TRAPPC13: variants seen among roughly 807,000 people sequenced by gnomAD.
TRAPPC13 encodes the protein trafficking protein particle complex subunit 13, also known as REV7-interacting novel NHEJ regulator 1.
TRAPPC13 carries 39 observed loss-of-function variants against 54.0 expected under a neutral mutation model. The observed-to-expected ratio is 0.72, with a 90% CI of 0.56 to 0.94. TRAPPC13 has a LOEUF of 0.94. Ranked by LOEUF, TRAPPC13 falls within the 40% of genes least tolerant of loss-of-function variation. The probability of loss-of-function intolerance (pLI) is 0.00; values close to 1 mark genes in which losing one functional copy is unlikely to be tolerated. For synonymous variants in TRAPPC13, 148 were observed against 167.7 expected (o/e 0.88, Z 0.91); for missense variants, 386 against 488.1 (o/e 0.79, Z 1.97).
At position 65,629,970 on chromosome 5, in the gene TRAPPC13, A is replaced by G. The variant is rs7714222; in HGVS notation, c.46+4864A>G. On this transcript the variant is annotated intron_variant, in intron 1 of 12. Coordinates refer to ENST00000399438, the MANE Select transcript of TRAPPC13 (RefSeq NM_024941.4). Reference sequence around the variant, plus strand: ...CAATCAGAAAAGGGAAAACAGCACAAGAGGAGATCTTGGAGTATTTCCCTT... The same window carrying G: ...CAATCAGAAAAGGGAAAACAGCACAGGAGGAGATCTTGGAGTATTTCCCTT... 9,501 of 1,536,036 alleles carry G rather than the reference A, an allele frequency of 6.2e-3. 513 individuals carry two copies. In the African/African-American group the frequency reaches 0.12, roughly 19 times the overall value.
intron 1 of TRAPPC13, among the ~76,000 whole-genome samples, chr5:65,634,311 A>G (rs1755667334): frequency 6.6e-6 from 1 of 152,026 alleles, no homozygotes; most frequent in Non-Finnish European, 1.5e-5. Flanking sequence ...TTATATAAGT[A>G]TATCCTATCT....
intron 1 of TRAPPC13, 167 bp downstream of exon 1, chr5:65,625,273 G>T: frequency 1.6e-6 from 1 of 628,766 alleles, no homozygotes. Flanking sequence ...ATGCTTTTTA[G>T]GTTTATGGGC....
In TRAPPC13 at chr5:65,665,441, G is replaced by T. The variant is rs1269564983; in HGVS notation, c.*830G>T. The T allele has an allele frequency of 6.6e-6, 1 of 151,950 alleles. No individual in the cohort carries two copies. The highest frequency in any genetic ancestry group is 1.5e-5 in the Non-Finnish European group (1 of 67,994). 9.4% of individuals were successfully genotyped at this position (151,950 alleles called of 1,614,324 possible). On this transcript the variant is annotated 3_prime_UTR_variant, in exon 13 of 13. Coordinates refer to ENST00000399438, the MANE Select transcript of TRAPPC13 (RefSeq NM_024941.4). ...AGTTGTTTTCAAAATTACTGTAATG[G>T]TTTGTGTCTGTATTTGTATATTATA...
chr5:65,629,270 G>A (rs1256999347), intron 1 of TRAPPC13, among the ~76,000 whole-genome samples: 1 of 151,988 alleles, frequency 6.6e-6, no homozygotes, highest in Non-Finnish European at 1.5e-5. Flanking sequence ...GATTTTATAG[G>A]GCATCTAGTT....
chr5:65,635,906 G>T (rs1225543407), intron 2 of TRAPPC13, 38 bp from the exon 3 acceptor site: 1 of 1,287,382 alleles, frequency 7.8e-7, no homozygotes, highest in Non-Finnish European at 1.1e-6. Context: ...TTATTTAAAG[G>T]GTAGATGTTA....
chr5:65,641,106 T>A (rs938293419), intron 4 of TRAPPC13, among the ~76,000 whole-genome samples: 1 of 151,930 alleles, frequency 6.6e-6, no homozygotes, highest in African/African-American at 2.4e-5. Flanking sequence ...TCTAATTTTT[T>A]AATATTTTTT....
Position 65,639,577 on chromosome 5 carries a change from T to C in TRAPPC13, c.300+1797T>C, listed in dbSNP as rs1046468953. Among the ~76,000 whole-genome samples the C allele has an allele frequency of 9.8e-5, 15 of 152,302 alleles. No homozygotes were observed. In the East Asian group the frequency reaches 2.5e-3, roughly 25 times the overall value. ...TCAGGAAGCTGAAACTGGAGGATTG[T>C]TTAAGCCCAGGAGTTTGAGGCTGCA... is the stretch of plus-strand genomic sequence containing the variant. On this transcript the variant is annotated intron_variant, in intron 4 of 12. Transcript: ENST00000399438.
chr5:65,647,096 C>T lies in TRAPPC13; in HGVS notation c.342C>T (p.Ala114=), dbSNP rs371603608. 1.9e-6 allele frequency: 3 copies of T among 1,557,716 alleles called. No homozygotes were observed. Among genetic ancestry groups the T allele is most frequent in the East Asian group, 2.4e-5 (1 of 42,346 alleles). Reference sequence around the variant, plus strand: ...GTTCTCAGCGTTTAAATCTTTCAGCCTCCAATGCTGCAGTGGCTGAACTTA... The same window carrying T: ...GTTCTCAGCGTTTAAATCTTTCAGCTTCCAATGCTGCAGTGGCTGAACTTA... ...QTSSQRLNLS[A]SNAAVAELKP... The change falls in exon 5 of 13, where the codon GCC becomes GCT. Residue 114 remains alanine (A), a synonymous_variant. Coordinates refer to ENST00000399438, the MANE Select transcript of TRAPPC13 (RefSeq NM_024941.4).
At chr5:65,654,482 T>C (rs1335443767) in intron 7 of TRAPPC13, among the ~76,000 whole-genome samples, 2 of 152,136 alleles carry the variant, frequency 1.3e-5, no homozygotes, top group Non-Finnish European at 2.9e-5. Context: ...GCATTTTGGG[T>C]CTCTCTAAGA....
intron 7 of TRAPPC13, 146 bp from the exon 8 acceptor site, chr5:65,655,490 G>A: frequency 3.8e-6 from 1 of 266,520 alleles, no homozygotes; most frequent in Non-Finnish European, 7.0e-6. Flanking sequence ...TCTTTATGTT[G>A]CTTCCTGTTT....
intron 11 of TRAPPC13, 167 bp from the exon 12 acceptor site, chr5:65,664,070 T>C (rs950470085): frequency 2.7e-5 from 18 of 676,416 alleles, no homozygotes; most frequent in Non-Finnish European, 4.2e-5. Context: ...TTCATCTTCC[T>C]GGTTCTATCT....
At chr5:65,660,663 G>C in intron 9 of TRAPPC13, 36 bp from the exon 10 acceptor site, 1 of 1,513,532 alleles carries the variant, frequency 6.6e-7, no homozygotes, top group Non-Finnish European at 8.9e-7. Flanking sequence ...AAAGATGCTA[G>C]AGAATTTTCT....
At position 65,625,673 on chromosome 5, in the gene TRAPPC13, G is replaced by A. The variant is rs145503451; in HGVS notation, c.46+567G>A. On this transcript the variant is annotated intron_variant, in intron 1 of 12. Coordinates refer to ENST00000399438, the MANE Select transcript of TRAPPC13 (RefSeq NM_024941.4). ...TACACAGCCATTTTGAGTAAGTTTG[G>A]TGATTTAATTAGATCATTATTTAGG... Among the ~76,000 whole-genome samples the A allele has an allele frequency of 2.7e-3, 404 of 152,030 alleles. 5 individuals carry two copies. Among genetic ancestry groups the A allele is most frequent in the African/African-American group, 8.6e-3 (358 of 41,452 alleles).
At chr5:65,662,196 C>A in intron 11 of TRAPPC13, 46 bp downstream of exon 11, 1 of 1,333,510 alleles carries the variant, frequency 7.5e-7, no homozygotes, top group Non-Finnish European at 1.0e-6. Context: ...CCTCACCTGC[C>A]TAGAAGATAA....
In TRAPPC13 at chr5:65,662,893, G is replaced by A. The variant is rs1342112303; in HGVS notation, c.998+743G>A. On this transcript the variant is annotated intron_variant, in intron 11 of 12. Transcript: ENST00000399438. ...TATGAAGCTACCTAGACTTTCCAAA[G>A]CACAGGTATTCATGCCTTCTCCATC... 2.6e-5 allele frequency: 4 copies of A among 152,170 alleles called. No individual in the cohort carries two copies. The East Asian group carries it at 7.7e-4, about 29-fold the overall frequency. 9.4% of individuals were successfully genotyped at this position (152,170 alleles called of 1,614,324 possible).
At chr5:65,654,840 C>T (rs554528079) in intron 7 of TRAPPC13, among the ~76,000 whole-genome samples, 3 of 152,290 alleles carry the variant, frequency 2.0e-5, no homozygotes, top group African/African-American at 7.2e-5. Flanking sequence ...ATTTGGTCAC[C>T]TGCCAGGTAC....
intron 8 of TRAPPC13, among the ~76,000 whole-genome samples, chr5:65,656,635 C>T (rs979837170): frequency 6.6e-6 from 1 of 152,040 alleles, no homozygotes; most frequent in South Asian, 2.1e-4. Context: ...CAGCCAGGCG[C>T]GGTGGCTCAT....
chr5:65,638,282 A>T (rs1433350647), intron 4 of TRAPPC13, among the ~76,000 whole-genome samples: 1 of 152,216 alleles, frequency 6.6e-6, no homozygotes, highest in African/African-American at 2.4e-5. Flanking sequence ...CATTTTTCCT[A>T]TTCCACAAGA....
intron 1 of TRAPPC13, chr5:65,630,932 T>G (rs1581207153): frequency 6.5e-6 from 1 of 154,508 alleles, no homozygotes; most frequent in East Asian, 1.9e-4. Context: ...GTATTAATGA[T>G]AGTTAGTGCT....
Sources: allele counts gnomAD v4.1 joint callset (sites outside exome capture counted in the v4.1 genomes callset), GRCh38; gene constraint gnomAD v4.1.1; transcripts MANE v1.5; gene names NCBI Gene and HGNC (gene_info 2026-07-23, HGNC 2026-07-21).